NEK10: variants seen among roughly 807,000 people sequenced by gnomAD.
NEK10 encodes NIMA related kinase 10, also known as serine/threonine-protein kinase Nek10.
Under a neutral mutation model 159.8 loss-of-function variants are expected in NEK10, and 122 were observed. The observed-to-expected ratio is 0.76, with a 90% CI of 0.66 to 0.89. The LOEUF is 0.89. Among genes scored for constraint, NEK10 ranks in the 40% least tolerant of loss-of-function variants. NEK10 has a pLI of 0.00. For missense variants in NEK10, 1,342 were observed against 1,323.1 expected, an observed-to-expected ratio of 1.01 and a Z score of -0.22; for synonymous variants, 466 against 457.1, an observed-to-expected ratio of 1.02 and a Z score of -0.25.
chr3:27,355,412 A>C (rs926719096), intron 1 of NEK10, among the ~76,000 whole-genome samples: 2 of 152,002 alleles, frequency 1.3e-5, no homozygotes, highest in East Asian at 3.9e-4. Context: ...AACATACCCT[A>C]AACAGAACTC....
chr3:27,187,489 T>C (rs1489162904), intron 26 of NEK10, among the ~76,000 whole-genome samples: 8 of 151,986 alleles, frequency 5.3e-5, no homozygotes, highest in Admixed American at 5.2e-4. Context: ...TGAAATACCA[T>C]GGGACTAGAT....
At chr3:27,235,358 A>G (rs980700240) in intron 23 of NEK10, among the ~76,000 whole-genome samples, 1 of 152,150 alleles carries the variant, frequency 6.6e-6, no homozygotes, top group Non-Finnish European at 1.5e-5. Flanking sequence ...ATTTTTGCAA[A>G]CTATGCATCT....
At chr3:27,189,739 A>AT (rs1263058706) in intron 26 of NEK10, among the ~76,000 whole-genome samples, 4 of 152,250 alleles carry the variant, frequency 2.6e-5, no homozygotes, top group East Asian at 3.9e-4. Context: ...ATAAAGCTGC[A>AT]TTTTTTCCTT....
intron 31 of NEK10, among the ~76,000 whole-genome samples, chr3:27,137,148 T>C (rs1943300432): frequency 6.6e-6 from 1 of 152,206 alleles, no homozygotes; most frequent in African/African-American, 2.4e-5. Flanking sequence ...TTCCCGACTA[T>C]GTGCAATGTC....
chr3:27,112,755 G>T (rs1424761817), intron 35 of NEK10, among the ~76,000 whole-genome samples: 1 of 152,106 alleles, frequency 6.6e-6, no homozygotes, highest in Non-Finnish European at 1.5e-5. Context: ...AATATATGTG[G>T]CCATGAAACT....
chr3:27,119,672 A>C (rs866184935), intron 33 of NEK10, 88 bp downstream of exon 33: 50 of 1,021,968 alleles, frequency 4.9e-5, no homozygotes, highest in Middle Eastern at 2.4e-4. Context: ...TTTAAAAAAA[A>C]ATTGGAGATA....
At chr3:27,168,720 A>G (rs1946692516) in intron 29 of NEK10, among the ~76,000 whole-genome samples, 1 of 152,176 alleles carries the variant, frequency 6.6e-6, no homozygotes, top group South Asian at 2.1e-4. Flanking sequence ...GTCACGCTGT[A>G]TTACCACATT....
chr3:27,220,161 G>C (rs1336274689), intron 23 of NEK10, among the ~76,000 whole-genome samples: 1 of 152,180 alleles, frequency 6.6e-6, no homozygotes, highest in Non-Finnish European at 1.5e-5. Context: ...TCCTCTTGTT[G>C]CTGTGCAAAT....
chr3:27,349,707 G>T (rs1411946139), intron 3 of NEK10, among the ~76,000 whole-genome samples: 1 of 152,048 alleles, frequency 6.6e-6, no homozygotes, highest in African/African-American at 2.4e-5. Context: ...GTCTCATCAG[G>T]TTGCTTCAAG....
At chr3:27,355,386 T>G (rs1242165341) in intron 1 of NEK10, among the ~76,000 whole-genome samples, 1 of 152,102 alleles carries the variant, frequency 6.6e-6, no homozygotes, top group Non-Finnish European at 1.5e-5. Flanking sequence ...GGATGCCTAA[T>G]GAGCATCCCA....
At chr3:27,350,670 T>A (rs1173893417) in intron 3 of NEK10, among the ~76,000 whole-genome samples, 1 of 152,100 alleles carries the variant, frequency 6.6e-6, no homozygotes, top group African/African-American at 2.4e-5. Flanking sequence ...TGTAAAGTTG[T>A]CCCACAACAG....
intron 23 of NEK10, among the ~76,000 whole-genome samples, chr3:27,208,277 T>C (rs1475378466): frequency 6.6e-6 from 1 of 152,168 alleles, no homozygotes; most frequent in East Asian, 1.9e-4. Context: ...AGATATATGG[T>C]GAGATAAGCA....
chr3:27,252,759 T>G (rs2149307751), intron 23 of NEK10: 1 of 377,414 alleles, frequency 2.6e-6, no homozygotes, highest in Non-Finnish European at 5.3e-6. Context: ...GGGAGCTGCA[T>G]GTGCAAAGGC....
chr3:27,306,432 G>C (rs1287965539), intron 11 of NEK10, among the ~76,000 whole-genome samples: 1 of 152,068 alleles, frequency 6.6e-6, no homozygotes, highest in East Asian at 1.9e-4. Flanking sequence ...AATGTTCCTT[G>C]ATAAATAGTA....
At chr3:27,177,774 C>A (rs991936752) in intron 26 of NEK10, among the ~76,000 whole-genome samples, 6 of 152,206 alleles carry the variant, frequency 3.9e-5, no homozygotes, top group African/African-American at 1.4e-4. Flanking sequence ...TAGTGCTTTG[C>A]ACAATGCCTT....
chr3:27,235,669 T>C (rs906525787), intron 23 of NEK10, among the ~76,000 whole-genome samples: 1 of 152,134 alleles, frequency 6.6e-6, no homozygotes, highest in Non-Finnish European at 1.5e-5. Context: ...GATGGGAGTG[T>C]AAATTAGTTC....
intron 23 of NEK10, among the ~76,000 whole-genome samples, chr3:27,251,287 C>A (rs1249896590): frequency 1.3e-5 from 2 of 152,132 alleles, no homozygotes; most frequent in Non-Finnish European, 1.5e-5. Flanking sequence ...TCCAATTATG[C>A]TTATTTTTGA....
At chr3:27,204,724 G>C (rs1227848421) in intron 23 of NEK10, among the ~76,000 whole-genome samples, 11 of 138,490 alleles carry the variant, frequency 7.9e-5, no homozygotes, top group East Asian at 6.0e-4. Flanking sequence ...GGACATTTGG[G>C]TTGGTTCCAA....
rs115617667 is a variant in NEK10 at position 27,326,971 on chromosome 3, C to T, written c.363-4710G>A. Among the ~76,000 whole-genome samples, 360 of 152,252 alleles carry T rather than the reference C, an allele frequency of 2.4e-3. 4 individuals carry two copies. The highest frequency in any genetic ancestry group is 8.3e-3 in the African/African-American group (345 of 41,544). On this transcript the variant is annotated intron_variant, in intron 5 of 35. Coordinates refer to ENST00000691995, the MANE Select transcript of NEK10 (RefSeq NM_001394966.1). ...CATATATACATACATCTGTTTGCCA[C>T]CAGCTGAGGGACTAGGAAACACACA...
Sources: allele counts gnomAD v4.1 joint callset (sites outside exome capture counted in the v4.1 genomes callset), GRCh38; gene constraint gnomAD v4.1.1; transcripts MANE v1.5; gene names NCBI Gene and HGNC (gene_info 2026-07-23, HGNC 2026-07-21).